FAM220A: variants seen among roughly 807,000 people sequenced by gnomAD.
FAM220A encodes family with sequence similarity 220 member A.
For missense variants in FAM220A, 392 were observed against 321.6 expected (o/e 1.22, Z -1.68); for synonymous variants, 141 against 130.7 (o/e 1.08, Z -0.54).
chr7:6,348,367 T>C lies in FAM220A; in HGVS notation c.-82+206A>G, dbSNP rs555398671. On this transcript the variant is annotated intron_variant, in intron 1 of 1. Transcript: ENST00000313324. ...CGGGACCTTCCCCAAGGCAAGTCGC[T>C]TAACCTGACCCCCAGTGCCGCGTTT... Among the ~76,000 whole-genome samples, 3 of 152,274 alleles carry C rather than the reference T, an allele frequency of 2.0e-5. No individual in the cohort carries two copies. The South Asian group carries it at 6.2e-4, about 32-fold the overall frequency.
intron 1 of FAM220A, among the ~76,000 whole-genome samples, chr7:6,336,857 T>TTGTCTTGAACTCCTG (rs1390542490): frequency 6.6e-6 from 1 of 151,994 alleles, no homozygotes; most frequent in East Asian, 1.9e-4. Context: ...TGTTTTGCCA[T>TTGTCTTGAACTCCTG]GTCCTAGGCT....
chr7:6,344,354 C>A (rs1781919304), intron 1 of FAM220A, among the ~76,000 whole-genome samples: 1 of 152,114 alleles, frequency 6.6e-6, no homozygotes, highest in Non-Finnish European at 1.5e-5. Context: ...ACAGACACCC[C>A]ACTCCCCACC....
rs771523350 is a variant in FAM220A, at chr7:6,331,175, G to A, written c.-21C>T. The A allele has an allele frequency of 6.2e-7, 1 of 1,601,490 alleles. No individual in the cohort carries two copies. The highest frequency in any genetic ancestry group is 1.1e-5 in the South Asian group (1 of 89,414). ...CTCATGCTTCGTGTTCTTGGATGCGGTGGGCCTGAGGTCACGCCTTCGTCA... is the reference window on the plus strand; with the variant it reads ...CTCATGCTTCGTGTTCTTGGATGCGATGGGCCTGAGGTCACGCCTTCGTCA... On this transcript the variant is annotated 5_prime_UTR_variant, in exon 2 of 2. Coordinates refer to ENST00000313324, the MANE Select transcript of FAM220A (RefSeq NM_001037163.2).
chr7:6,343,640 T>G (rs1318551299), intron 1 of FAM220A, among the ~76,000 whole-genome samples: 1 of 151,880 alleles, frequency 6.6e-6, no homozygotes, highest in Non-Finnish European at 1.5e-5. Flanking sequence ...TGCTAAGAAC[T>G]CCAGGAGATT....
chr7:6,330,479 C>G lies in FAM220A; in HGVS notation c.676G>C (p.Glu226Gln), dbSNP rs772925227. Residue 226 changes from glutamate to glutamine, a missense_variant, in exon 2 of 2, where the codon GAA (glutamate) becomes CAA (glutamine). Physicochemically the swap from Glu to Gln is conservative, Grantham distance 29. Transcript: ENST00000313324. ...LKPMFSKQTI[E>Q]FKKMLKSTSD... ...GTGCTTTTAAGCATTTTCTTGAATT[C>G]TATTGTTTGCTTTGAAAACATGGGC... 3 of 1,614,158 alleles carry G rather than the reference C, an allele frequency of 1.9e-6. No individual in the cohort carries two copies. Among genetic ancestry groups the G allele is most frequent in the Non-Finnish European group, 2.5e-6 (3 of 1,180,036 alleles).
intron 1 of FAM220A, among the ~76,000 whole-genome samples, chr7:6,345,091 G>C (rs1415434222): frequency 6.6e-6 from 1 of 151,238 alleles, no homozygotes; most frequent in African/African-American, 2.4e-5. Context: ...GACATGATCA[G>C]ATTTATGGGA....
At chr7:6,343,335 C>T (rs1293560811) in intron 1 of FAM220A, among the ~76,000 whole-genome samples, 1 of 148,464 alleles carries the variant, frequency 6.7e-6, no homozygotes, top group Non-Finnish European at 1.5e-5. Flanking sequence ...CAAAATCACA[C>T]CACTGCACTC....
chr7:6,331,075 G>C lies in FAM220A; in HGVS notation c.80C>G (p.Ser27Ter). 1 of 1,613,628 alleles carries C rather than the reference G, an allele frequency of 6.2e-7. No homozygotes were observed. The highest frequency in any genetic ancestry group is 2.2e-5 in the East Asian group (1 of 44,888). The part of the protein sequence containing the change: ...QAGGGDSDKL[S>*]CSLKKRMPEG... The stretch of plus-strand genomic sequence containing the variant: ...CGGCATTCTTTTCTTAAGGCTGCAT[G>C]ATAGTTTGTCCGAGTCACCTCCTCC... Residue 27 changes from serine (S) to a stop codon, truncating the protein, a stop_gained, in exon 2 of 2, where the codon TCA becomes TGA. Transcript: ENST00000313324. LOFTEE classifies it low-confidence loss of function (END_TRUNC).
intron 1 of FAM220A, 48 bp from the exon 2 acceptor site, chr7:6,331,283 C>A: frequency 2.3e-6 from 2 of 865,724 alleles, no homozygotes; most frequent in South Asian, 1.8e-5. Flanking sequence ...ACACATGGGT[C>A]TTAAGAGCAT....
intron 1 of FAM220A, among the ~76,000 whole-genome samples, chr7:6,332,770 G>A (rs1324292204): frequency 3.9e-5 from 6 of 152,184 alleles, no homozygotes; most frequent in Admixed American, 3.9e-4. Context: ...TGGCTGACGG[G>A]GATGGAGAAA....
chr7:6,342,945 G>A (rs1167698623), intron 1 of FAM220A, among the ~76,000 whole-genome samples: 1 of 151,968 alleles, frequency 6.6e-6, no homozygotes, highest in Non-Finnish European at 1.5e-5. Flanking sequence ...GCTGAAGTGG[G>A]AGGATGGCTT....
chr7:6,336,821 A>AT (rs1267999261), intron 1 of FAM220A, among the ~76,000 whole-genome samples: 3 of 151,820 alleles, frequency 2.0e-5, no homozygotes, highest in Non-Finnish European at 4.4e-5. Flanking sequence ...CATCCAGCTA[A>AT]TTTTTTGTAT....
rs771146492 is a variant in FAM220A, at chr7:6,331,077, T to G, written c.78A>C (p.Leu26=). 6.2e-6 allele frequency: 10 copies of G among 1,613,502 alleles called. No individual in the cohort carries two copies. In the Admixed American group the frequency reaches 1.5e-4, roughly 24 times the overall value. ...QQAGGGDSDK[L]SCSLKKRMPE... ...GCATTCTTTTCTTAAGGCTGCATGA[T>G]AGTTTGTCCGAGTCACCTCCTCCGG... is the stretch of plus-strand genomic sequence containing the variant. Residue 26 remains leucine (L), a synonymous_variant, in exon 2 of 2, where the codon CTA becomes CTC. Coordinates refer to ENST00000313324, the MANE Select transcript of FAM220A (RefSeq NM_001037163.2).
intron 1 of FAM220A, among the ~76,000 whole-genome samples, chr7:6,338,226 A>C (rs1781783529): frequency 6.6e-6 from 1 of 152,142 alleles, no homozygotes; most frequent in Non-Finnish European, 1.5e-5. Context: ...CTTCTAAATA[A>C]TTTCTAGGCA....
chr7:6,348,401 G>T (rs1402066205), intron 1 of FAM220A, among the ~76,000 whole-genome samples, 172 bp downstream of exon 1: 9 of 152,164 alleles, frequency 5.9e-5, no homozygotes, highest in Admixed American at 3.9e-4. Flanking sequence ...TTGCAGAACG[G>T]GGATAAGGAC....
At chr7:6,335,866 C>T (rs1026344997) in intron 1 of FAM220A, among the ~76,000 whole-genome samples, 2 of 151,932 alleles carry the variant, frequency 1.3e-5, no homozygotes, top group African/African-American at 4.8e-5. Context: ...AAGACCCTGT[C>T]TCTACAAAAA....
intron 1 of FAM220A, among the ~76,000 whole-genome samples, chr7:6,335,955 T>G (rs1170724530): frequency 6.6e-6 from 1 of 152,016 alleles, no homozygotes; most frequent in African/African-American, 2.4e-5. Context: ...GATGGATCAC[T>G]TGAGGACAGG....
At chr7:6,338,547 T>C (rs1005921928) in intron 1 of FAM220A, 3 of 152,162 alleles carry the variant, frequency 2.0e-5, no homozygotes, top group East Asian at 1.9e-4. Context: ...CCACCAAAGA[T>C]GACAAAAGCT....
chr7:6,342,486 C>A (rs1171461814), intron 1 of FAM220A, among the ~76,000 whole-genome samples: 1 of 152,004 alleles, frequency 6.6e-6, no homozygotes, highest in Admixed American at 6.6e-5. Flanking sequence ...TTGCAGTGAG[C>A]CAAGATCACA....
Sources: gnomAD v4.1 joint callset for allele counts (sites outside exome capture counted in the v4.1 genomes callset) on GRCh38, gnomAD v4.1.1 for gene constraint, MANE v1.5 for transcripts, NCBI Gene and HGNC (gene_info 2026-07-23, HGNC 2026-07-21) for gene names.